EXOC5: variants seen among roughly 807,000 people sequenced by gnomAD.
EXOC5 encodes SEC10-like 1.
A neutral mutation model predicts 90.8 loss-of-function variants in EXOC5; 17 were observed. That is an observed-to-expected ratio of 0.19 (90% CI 0.13 to 0.28). The LOEUF (loss-of-function observed/expected upper bound fraction) is 0.28. Ranked by LOEUF, EXOC5 falls within the 10% of genes least tolerant of loss-of-function variation. The probability of loss-of-function intolerance (pLI) is 1.00; values close to 1 mark genes in which losing one functional copy is unlikely to be tolerated. For synonymous variants in EXOC5, 260 were observed against 270.0 expected, an observed-to-expected ratio of 0.96 and a Z score of 0.36; for missense variants, 569 against 830.6, an observed-to-expected ratio of 0.69 and a Z score of 3.87.
rs1239439404 is a variant in EXOC5, at chr14:57,232,677, G to A, written c.928C>T (p.Leu310=). 5 of 1,426,482 alleles carry A rather than the reference G, an allele frequency of 3.5e-6. No individual in the cohort carries two copies. Among genetic ancestry groups the A allele is most frequent in the Non-Finnish European group, 3.9e-6 (4 of 1,031,622 alleles). The allele number at this position is 1,426,482 out of a possible 1,614,324, so 88.4% of individuals were successfully genotyped here. A position where few individuals can be genotyped will look rare whatever the true frequency, so the allele number is the denominator to read the frequency against. Residue 310 remains leucine, a synonymous_variant, in exon 10 of 18, where the codon CTG becomes TTG. Coordinates refer to ENST00000621441, the MANE Select transcript of EXOC5 (RefSeq NM_006544.4). ...AEQYLKNLYD[L]YTRTTNLSSK... The stretch of plus-strand genomic sequence containing the variant: ...TCATTAAAAATTTACCTTGTATACA[G>A]ATCATAGAGATTTTTGAGATATTGC...
chr14:57,264,229 G>C (rs937257854), intron 1 of EXOC5, among the ~76,000 whole-genome samples: 1 of 152,182 alleles, frequency 6.6e-6, no homozygotes, highest in Non-Finnish European at 1.5e-5. Flanking sequence ...AAAATAAATA[G>C]CATTTCAGCA....
intron 3 of EXOC5, among the ~76,000 whole-genome samples, chr14:57,245,025 A>G (rs1470213182): frequency 1.3e-5 from 2 of 152,126 alleles, no homozygotes; most frequent in Admixed American, 6.6e-5. Context: ...CAGTGGTAAA[A>G]TATACCAATT....
chr14:57,229,650 G>T (rs1472856123), intron 12 of EXOC5, 84 bp downstream of exon 12: 6 of 981,964 alleles, frequency 6.1e-6, no homozygotes, highest in Non-Finnish European at 8.4e-6. Flanking sequence ...CACGATTTTG[G>T]TATCCTCGGA....
rs375398361 is a variant in EXOC5 at position 57,222,474 on chromosome 14, T to C, written c.1297-58A>G. 4 of 942,226 alleles carry C rather than the reference T, an allele frequency of 4.2e-6. No individual in the cohort carries two copies. The East Asian group carries it at 1.0e-4, about 24-fold the overall frequency. The allele number at this position is 942,226 out of a possible 1,614,324, so 58.4% of individuals were successfully genotyped here. Reference sequence around the variant, plus strand: ...CAAGTCTACCTTTTGAAAATGCCAATTTTTTTTAAGCAATCAATTTTTTAT... The same window carrying C: ...CAAGTCTACCTTTTGAAAATGCCAACTTTTTTTAAGCAATCAATTTTTTAT... On this transcript the variant is annotated intron_variant, in intron 12 of 17. Transcript: ENST00000621441.
At chr14:57,232,613 C>A (rs1883520008) in intron 10 of EXOC5, 54 bp downstream of exon 10, 2 of 776,770 alleles carry the variant, frequency 2.6e-6, no homozygotes, top group South Asian at 2.0e-5. Context: ...TTGTTTTTAT[C>A]AAAAAAATTT....
In EXOC5 at chr14:57,209,633, A is replaced by T; in HGVS notation, c.1872T>A (p.Ser624Arg). 6.2e-7 allele frequency: 1 copy of T among 1,613,528 alleles called. No individual in the cohort carries two copies. The highest frequency in any genetic ancestry group is 8.5e-7 in the Non-Finnish European group (1 of 1,179,664). ...IYEHLQQYSYSCMGGMLAICD... is the reference protein window; with the variant it reads ...IYEHLQQYSYRCMGGMLAICD... ...AAATGGCCAACATGCCACCCATACA[A>T]CTGTAGGAATATTGTTGAAGATGCT... Residue 624 changes from serine to arginine, a missense_variant, in exon 17 of 18, where the codon AGT (serine) becomes AGA (arginine). Physicochemically the swap from Ser to Arg is moderately radical, Grantham distance 110 (BLOSUM62 -1). Around this residue, in one of 9 missense-constraint regions of EXOC5, gnomAD observed 122 missense variants for 180.0 expected, o/e 0.68. Coordinates refer to ENST00000621441, the MANE Select transcript of EXOC5 (RefSeq NM_006544.4).
At position 57,239,623 on chromosome 14, in the gene EXOC5, G is replaced by A; in HGVS notation, c.502C>T (p.Leu168=). 6.5e-7 allele frequency: 1 copy of A among 1,544,004 alleles called. No homozygotes were observed. Among genetic ancestry groups the A allele is most frequent in the Non-Finnish European group, 8.7e-7 (1 of 1,143,160 alleles). Residue 168 remains leucine, a synonymous_variant, in exon 5 of 18, where the codon CTA becomes TTA. Transcript: ENST00000621441. The part of the protein sequence containing the change: ...EAADIIQKLH[L]IAQELPFDRF... Reference sequence around the variant, plus strand: ...TCAAAAGGTAACTCTTGGGCAATTAGGTGCAACTTCTGAATGATGTCTGCT... The same window carrying A: ...TCAAAAGGTAACTCTTGGGCAATTAAGTGCAACTTCTGAATGATGTCTGCT...
chr14:57,253,441 A>AT (rs1355482757), intron 1 of EXOC5, among the ~76,000 whole-genome samples: 1 of 152,232 alleles, frequency 6.6e-6, no homozygotes, highest in Non-Finnish European at 1.5e-5. Context: ...AAGACTTAAT[A>AT]TTGTTACAAC....
chr14:57,267,478 G>C (rs1259761218), intron 1 of EXOC5, among the ~76,000 whole-genome samples: 1 of 152,140 alleles, frequency 6.6e-6, no homozygotes, highest in Non-Finnish European at 1.5e-5. Context: ...AAAAACTGCT[G>C]AATCTTACGC....
rs148625198 is a variant in EXOC5 at position 57,261,596 on chromosome 14, C to T, written c.27+7026G>A. Among the ~76,000 whole-genome samples the T allele has an allele frequency of 7.8e-4, 119 of 152,340 alleles. 1 individual carries two copies. The East Asian group carries it at 0.021, about 27-fold the overall frequency. On this transcript the variant is annotated intron_variant, in intron 1 of 17. Coordinates refer to ENST00000621441, the MANE Select transcript of EXOC5 (RefSeq NM_006544.4). The stretch of plus-strand genomic sequence containing the variant: ...CAGTTATCTATTGCTGCCTAACAAC[C>T]ACTCAAATAGTTAGTGGCCTAAAAT...
chr14:57,253,555 A>G (rs993944463), intron 1 of EXOC5, among the ~76,000 whole-genome samples: 3 of 152,310 alleles, frequency 2.0e-5, no homozygotes, highest in African/African-American at 2.4e-5. Flanking sequence ...AGCACAAAAC[A>G]ATCTTGAAAA....
chr14:57,246,553 A>AT (rs1328631991), intron 3 of EXOC5, among the ~76,000 whole-genome samples, 158 bp downstream of exon 3: 1 of 152,212 alleles, frequency 6.6e-6, no homozygotes, highest in African/African-American at 2.4e-5. Context: ...AGTACTTGAT[A>AT]ACAATTCATT....
intron 13 of EXOC5, 114 bp from the exon 14 acceptor site, chr14:57,219,556 T>C: frequency 1.3e-6 from 1 of 761,144 alleles, no homozygotes; most frequent in Non-Finnish European, 2.1e-6. Flanking sequence ...GACACCGCTA[T>C]TTTAATACAT....
intron 4 of EXOC5, among the ~76,000 whole-genome samples, chr14:57,241,838 A>G (rs926076263): frequency 2.0e-5 from 3 of 152,134 alleles, no homozygotes; most frequent in Non-Finnish European, 2.9e-5. Flanking sequence ...CATTCTAGGT[A>G]AAAAAGAAAA....
At position 57,207,931 on chromosome 14, in the gene EXOC5, G is replaced by A. The variant is rs1449382720; in HGVS notation, c.*678C>T. The stretch of plus-strand genomic sequence containing the variant: ...CAAATAAGAAATAGTAAACTTTTAA[G>A]TTTTACCCAGAAAGCAGAAGTATTC... On this transcript the variant is annotated 3_prime_UTR_variant, in exon 18 of 18. Coordinates refer to ENST00000621441, the MANE Select transcript of EXOC5 (RefSeq NM_006544.4). The A allele has an allele frequency of 6.6e-6, 1 of 152,018 alleles. No homozygotes were observed. Among genetic ancestry groups the A allele is most frequent in the Non-Finnish European group, 1.5e-5 (1 of 67,984 alleles). 9.4% of individuals were successfully genotyped at this position (152,018 alleles called of 1,614,324 possible). A position where few individuals can be genotyped will look rare whatever the true frequency, so the allele number is the denominator to read the frequency against.
chr14:57,232,867 A>G, intron 9 of EXOC5, 118 bp from the exon 10 acceptor site: 1 of 527,138 alleles, frequency 1.9e-6, no homozygotes. Context: ...CTTACAATCC[A>G]ATCAAAAAGG....
intron 5 of EXOC5, among the ~76,000 whole-genome samples, chr14:57,238,060 CAA>C (rs1883719089): frequency 6.6e-6 from 1 of 151,314 alleles, no homozygotes; most frequent in South Asian, 2.1e-4. Context: ...GAGTGGCTGG[CAA>C]AAGAGATGCC....
At position 57,235,808 on chromosome 14, in the gene EXOC5, T is replaced by A; in HGVS notation, c.572A>T (p.Asp191Val). 1 of 1,544,556 alleles carries A rather than the reference T, an allele frequency of 6.5e-7. No individual in the cohort carries two copies. The change falls in exon 7 of 18, where the codon GAT becomes GTT. Residue 191 changes from aspartate (D) to valine (V), a missense_variant. Around this residue, in one of 9 missense-constraint regions of EXOC5, gnomAD observed 97 missense variants for 177.9 expected, o/e 0.55. Transcript: ENST00000621441. ...VKSKIASKYH[D>V]LECQLIQEFT... is the part of the protein sequence containing the mutation. ...CTCCTGAATCAGCTGGCATTCTAAA[T>A]CATGGTATTTACCTAAAAATAAAGT...
chr14:57,209,056 C>A (rs1355196641), intron 17 of EXOC5, among the ~76,000 whole-genome samples: 6 of 152,064 alleles, frequency 3.9e-5, no homozygotes, highest in African/African-American at 1.4e-4. Flanking sequence ...AGGACTAAAA[C>A]TAGTTATTAA....
Sources: gnomAD v4.1 joint callset for allele counts (sites outside exome capture counted in the v4.1 genomes callset) on GRCh38, gnomAD v4.1.1 for gene constraint, gnomAD v4.1.1 regional missense constraint, MANE v1.5 for transcripts, NCBI Gene and HGNC (gene_info 2026-07-23, HGNC 2026-07-21) for gene names.